LRP1B: variants seen among roughly 807,000 people sequenced by gnomAD.
The protein encoded by LRP1B is LDL receptor related protein 1B, also known as low-density lipoprotein receptor-related protein 1B.
A neutral mutation model predicts 556.6 loss-of-function variants in LRP1B; 217 were observed. That is an observed-to-expected ratio of 0.39 (90% CI 0.35 to 0.44). LRP1B has a LOEUF of 0.44. Among genes scored for constraint, LRP1B ranks in the 20% least tolerant of loss-of-function variants. LRP1B has a pLI of 1.00. For missense variants in LRP1B, 5,053 were observed against 5,620.8 expected, an observed-to-expected ratio of 0.90 and a Z score of 3.23; for synonymous variants, 2,047 against 1,865.8, an observed-to-expected ratio of 1.10 and a Z score of -2.50.
chr2:141,706,733 A>G (rs538653079), intron 2 of LRP1B, among the ~76,000 whole-genome samples: 154 of 152,252 alleles, frequency 1.0e-3, no homozygotes, highest in African/African-American at 3.6e-3. Context: ...TCGTTAGGCC[A>G]AAAAAGTATG....
Position 140,233,117 on chromosome 2 carries a change from A to G in LRP1B, c.*69T>C. ...ATGCTGATGCCAAAACAAGTATAAT[A>G]CTGTTGGAACATACAAAAGTAATCC... On this transcript the variant is annotated 3_prime_UTR_variant, in exon 91 of 91. Coordinates refer to ENST00000389484, the MANE Select transcript of LRP1B (RefSeq NM_018557.3). 1 of 1,001,850 alleles carries G rather than the reference A, an allele frequency of 1.0e-6. No individual in the cohort carries two copies. The highest frequency in any genetic ancestry group is 1.4e-6 in the Non-Finnish European group (1 of 708,800). The allele number at this position is 1,001,850 out of a possible 1,614,324, so 62.1% of individuals were successfully genotyped here.
At chr2:141,126,223 G>A (rs571569155) in intron 7 of LRP1B, among the ~76,000 whole-genome samples, 22 of 152,056 alleles carry the variant, frequency 1.4e-4, no homozygotes, top group South Asian at 6.2e-4. Flanking sequence ...TAGTAGAGAC[G>A]GGGTTTTGCC....
chr2:141,080,946 C>G (rs574047178), intron 7 of LRP1B, among the ~76,000 whole-genome samples: 6 of 152,288 alleles, frequency 3.9e-5, no homozygotes, highest in African/African-American at 1.2e-4. Flanking sequence ...CTGCCCACCC[C>G]TTAGTCCTCT....
At chr2:140,655,291 G>C (rs1264143151) in intron 41 of LRP1B, among the ~76,000 whole-genome samples, 1 of 152,090 alleles carries the variant, frequency 6.6e-6, no homozygotes, top group Non-Finnish European at 1.5e-5. Context: ...TATTAACCTT[G>C]ATGTTAATCG....
At chr2:141,586,231 T>C (rs1014255816) in intron 2 of LRP1B, among the ~76,000 whole-genome samples, 5 of 152,186 alleles carry the variant, frequency 3.3e-5, no homozygotes, top group African/African-American at 1.2e-4. Context: ...TGCAAACATA[T>C]ATAAATTATA....
At chr2:140,265,365 A>C (rs1351462042) in intron 86 of LRP1B, among the ~76,000 whole-genome samples, 1 of 152,124 alleles carries the variant, frequency 6.6e-6, no homozygotes, top group Non-Finnish European at 1.5e-5. Flanking sequence ...AATGCAAAAA[A>C]ATCTAGTTTT....
At chr2:140,594,957 C>A in intron 43 of LRP1B, among the ~76,000 whole-genome samples, 1 of 151,382 alleles carries the variant, frequency 6.6e-6, no homozygotes, top group South Asian at 2.1e-4. Flanking sequence ...TCCTAAATAT[C>A]ATTCTTTCTA....
In LRP1B at chr2:141,055,198, A is replaced by G. The variant is rs2105455982; in HGVS notation, c.1470T>C (p.Cys490=). The part of the protein sequence containing the change: ...YGMPGGCSHI[C]LLSSSYKTRT... ...GAGTTTTGTAACTGCTGCTGAGTAG[A>G]CAGATGTGTGAACAGCCCCCTGGCA... The change falls in exon 10 of 91, where the codon TGT becomes TGC. Residue 490 remains cysteine (C), a synonymous_variant. Coordinates refer to ENST00000389484, the MANE Select transcript of LRP1B (RefSeq NM_018557.3). 6.2e-7 allele frequency: 1 copy of G among 1,612,372 alleles called. No homozygotes were observed. The highest frequency in any genetic ancestry group is 8.5e-7 in the Non-Finnish European group (1 of 1,179,042).
chr2:140,503,353 T>C (rs1328213965), intron 53 of LRP1B, among the ~76,000 whole-genome samples: 1 of 152,098 alleles, frequency 6.6e-6, no homozygotes, highest in Non-Finnish European at 1.5e-5. Context: ...AATAAGAAAG[T>C]GACCCTTGAC....
intron 41 of LRP1B, among the ~76,000 whole-genome samples, chr2:140,689,898 G>A (rs1297793016): frequency 6.6e-6 from 1 of 152,094 alleles, no homozygotes; most frequent in African/African-American, 2.4e-5. Context: ...CTAACATGAT[G>A]TACTGGGGCA....
At chr2:141,801,005 A>C (rs1048105410) in intron 2 of LRP1B, among the ~76,000 whole-genome samples, 1 of 152,198 alleles carries the variant, frequency 6.6e-6, no homozygotes, top group Non-Finnish European at 1.5e-5. Flanking sequence ...GAATTGCCTA[A>C]CGTGCACATT....
chr2:140,928,251 A>G (rs1694943730), intron 20 of LRP1B, among the ~76,000 whole-genome samples: 1 of 152,194 alleles, frequency 6.6e-6, no homozygotes, highest in Admixed American at 6.6e-5. Context: ...GAAAGTCATA[A>G]GTGCTGTGAA....
chr2:141,316,262 C>A (rs1430181458), intron 3 of LRP1B, among the ~76,000 whole-genome samples: 1 of 152,098 alleles, frequency 6.6e-6, no homozygotes, highest in Admixed American at 6.5e-5. Flanking sequence ...ATACATTTGT[C>A]TTTTCAAATT....
intron 2 of LRP1B, among the ~76,000 whole-genome samples, chr2:141,683,614 G>T (rs1410203563): frequency 6.6e-6 from 1 of 152,076 alleles, no homozygotes; most frequent in Non-Finnish European, 1.5e-5. Flanking sequence ...GGTGGGCCTG[G>T]CTTCCTCTTG....
intron 3 of LRP1B, among the ~76,000 whole-genome samples, chr2:141,281,747 A>G (rs1685516399): frequency 6.6e-6 from 1 of 152,056 alleles, no homozygotes; most frequent in South Asian, 2.1e-4. Context: ...ACAAAACTAA[A>G]GAGTTAAGTA....
At chr2:141,019,524 T>A (rs1232826728) in intron 12 of LRP1B, among the ~76,000 whole-genome samples, 1 of 152,052 alleles carries the variant, frequency 6.6e-6, no homozygotes. Context: ...TAATAAAACG[T>A]CTGACCTCTA....
At chr2:141,952,103 T>C (rs1317571967) in intron 1 of LRP1B, among the ~76,000 whole-genome samples, 1 of 150,998 alleles carries the variant, frequency 6.6e-6, no homozygotes, top group Non-Finnish European at 1.5e-5. Flanking sequence ...ATGCGGTGTT[T>C]GGTTTTCTGT....
chr2:140,235,880 ATATTTT>A (rs1388978149), intron 89 of LRP1B, among the ~76,000 whole-genome samples: 3 of 151,102 alleles, frequency 2.0e-5, no homozygotes, highest in African/African-American at 4.8e-5. Flanking sequence ...TATGAATACT[ATATTTT>A]TATTCCTAAG....
chr2:140,909,026 T>A (rs141887040), intron 21 of LRP1B, among the ~76,000 whole-genome samples: 7,074 of 152,262 alleles, frequency 0.046, 186 homozygotes, highest in Non-Finnish European at 0.052. Context: ...CTCAAACTCT[T>A]GACCTCAGGT....
Sources: allele counts gnomAD v4.1 joint callset (sites outside exome capture counted in the v4.1 genomes callset), GRCh38; gene constraint gnomAD v4.1.1; transcripts MANE v1.5; gene names NCBI Gene and HGNC (gene_info 2026-07-23, HGNC 2026-07-21).